Variants in LMO7 observed in about 807,000 individuals in gnomAD.
LMO7 encodes LIM domain only protein 7.
Under a neutral mutation model 206.5 loss-of-function variants are expected in LMO7, and 120 were observed. That is an observed-to-expected ratio of 0.58 (90% CI 0.50 to 0.68). The LOEUF (loss-of-function observed/expected upper bound fraction) is 0.68. LMO7 is among the 30% of genes least tolerant of loss of function. LMO7 has a pLI of 0.00. For synonymous variants in LMO7, 706 were observed against 681.5 expected, an observed-to-expected ratio of 1.04 and a Z score of -0.56; for missense variants, 1,959 against 1,957.9, an observed-to-expected ratio of 1.00 and a Z score of -0.01.
chr13:75,694,431 T>C (rs891786778), intron 1 of LMO7, among the ~76,000 whole-genome samples: 4 of 152,082 alleles, frequency 2.6e-5, no homozygotes, highest in Admixed American at 6.6e-5. Flanking sequence ...TCTGGAAGGT[T>C]TTGAGCAGTG....
At chr13:75,683,064 C>CTTT (rs1025775588) in intron 1 of LMO7, among the ~76,000 whole-genome samples, 2 of 137,640 alleles carry the variant, frequency 1.5e-5, no homozygotes, top group African/African-American at 2.7e-5. Flanking sequence ...CTTTTTTTTT[C>CTTT]TTTTTTTTTT....
chr13:75,732,817 CTGTT>C (rs1311445653), intron 3 of LMO7, among the ~76,000 whole-genome samples: 1 of 152,114 alleles, frequency 6.6e-6, no homozygotes, highest in African/African-American at 2.4e-5. Flanking sequence ...GATGTCCTTT[CTGTT>C]TGTTAGTTTT....
Position 75,849,170 on chromosome 13 carries a change from G to A in LMO7, c.4242G>A (p.Glu1414=). Residue 1414 remains glutamate (E), a synonymous_variant, in exon 27 of 31, where the codon GAG becomes GAA. Transcript: ENST00000377534. The part of the protein sequence containing the change: ...KEQVPSGAEL[E]RQQILQEMRK... Reference sequence around the variant, plus strand: ...AAGTACCATCAGGAGCAGAATTGGAGAGGCAACAAATCCTTCAGGAAATGA... The same window carrying A: ...AAGTACCATCAGGAGCAGAATTGGAAAGGCAACAAATCCTTCAGGAAATGA... 6.2e-7 allele frequency: 1 copy of A among 1,613,962 alleles called. No individual in the cohort carries two copies. Among genetic ancestry groups the A allele is most frequent in the South Asian group, 1.1e-5 (1 of 91,068 alleles).
At chr13:75,848,461 A>G (rs1040791994) in intron 26 of LMO7, among the ~76,000 whole-genome samples, 1 of 151,896 alleles carries the variant, frequency 6.6e-6, no homozygotes, top group East Asian at 1.9e-4. Context: ...CTATCTATCT[A>G]TCTATCTAAC....
At chr13:75,802,026 A>C (rs2054813988) in intron 7 of LMO7, among the ~76,000 whole-genome samples, 1 of 151,630 alleles carries the variant, frequency 6.6e-6, no homozygotes, top group Admixed American at 6.6e-5. Context: ...TTATTTTTTG[A>C]GGCATTTCAG....
rs141200136 is a variant in LMO7 at position 75,667,150 on chromosome 13, A to G, written c.69+30424A>G. On this transcript the variant is annotated intron_variant, in intron 1 of 30. Coordinates refer to ENST00000377534, the MANE Select transcript of LMO7 (RefSeq NM_001306080.2). Reference sequence around the variant, plus strand: ...AGTAACTTGTAATTCAAATCAATGTACTCTGGTATGTAATGTGTCATTTTT... The same window carrying G: ...AGTAACTTGTAATTCAAATCAATGTGCTCTGGTATGTAATGTGTCATTTTT... Among the ~76,000 whole-genome samples, 1,313 of 152,106 alleles carry G rather than the reference A, an allele frequency of 8.6e-3. 17 individuals are homozygous for G. The highest frequency in any genetic ancestry group is 0.029 in the African/African-American group (1,201 of 41,474).
intron 28 of LMO7, chr13:75,855,025 A>G: frequency 4.5e-6 from 2 of 441,972 alleles, no homozygotes; most frequent in Non-Finnish European, 8.2e-6. Flanking sequence ...TTACACTGAA[A>G]TTGCTCATTT....
intron 15 of LMO7, among the ~76,000 whole-genome samples, chr13:75,825,709 C>T (rs535693276): frequency 6.6e-6 from 1 of 152,246 alleles, no homozygotes; most frequent in South Asian, 2.1e-4. Flanking sequence ...GCTTCTATAG[C>T]ATCCCCTTGC....
At position 75,811,208 on chromosome 13, in the gene LMO7, C is replaced by CTCT. The variant is rs1555332733; in HGVS notation, c.1946+2026_1946+2027insCTT. ...TCTTTTTCTTTCTTTTTTTCTTTCT[C>CTCT]TTTTTTTTTTTTTTTTTTAAGAGAT... On this transcript the variant is annotated intron_variant, in intron 11 of 30. Transcript: ENST00000377534. Among the ~76,000 whole-genome samples, 57 of 130,684 alleles carry CTCT rather than the reference C, an allele frequency of 4.4e-4. 1 individual carries two copies. Among genetic ancestry groups the CTCT allele is most frequent in the African/African-American group, 1.5e-3 (52 of 33,918 alleles). 85.7% of individuals were successfully genotyped at this position (130,684 alleles called of 152,430 possible).
intron 1 of LMO7, among the ~76,000 whole-genome samples, chr13:75,654,388 C>G (rs2037848920): frequency 2.6e-5 from 4 of 152,176 alleles, no homozygotes; most frequent in Admixed American, 2.6e-4. Flanking sequence ...GAAGAATTAG[C>G]CTGATCTCTC....
intron 1 of LMO7, among the ~76,000 whole-genome samples, chr13:75,701,542 G>C (rs867001161): frequency 2.0e-5 from 3 of 152,098 alleles, no homozygotes; most frequent in Non-Finnish European, 4.4e-5. Flanking sequence ...TTGCTGTTGA[G>C]AACCCATGAT....
intron 1 of LMO7, among the ~76,000 whole-genome samples, chr13:75,695,943 A>G (rs1232285632): frequency 6.6e-6 from 1 of 152,238 alleles, no homozygotes; most frequent in Non-Finnish European, 1.5e-5. Context: ...CTAGCCATTA[A>G]AAATAGGGGA....
rs541748175 is a variant in LMO7 at position 75,766,638 on chromosome 13, G to A, written c.317+5600G>A. On this transcript the variant is annotated intron_variant, in intron 4 of 30. Transcript: ENST00000377534. ...CAGATTTCTCTGGAAATATAGAGAT[G>A]TGCAGTCATTTCATCTTTTTAATCA... Among the ~76,000 whole-genome samples, 14 of 152,164 alleles carry A rather than the reference G, an allele frequency of 9.2e-5. No individual in the cohort carries two copies. In the East Asian group the frequency reaches 2.5e-3, roughly 27 times the overall value.
intron 2 of LMO7, among the ~76,000 whole-genome samples, chr13:75,714,477 T>G (rs563639767): frequency 7.0e-4 from 106 of 152,280 alleles, no homozygotes; most frequent in African/African-American, 2.5e-3. Context: ...TAAGGTGATA[T>G]TATTAATTTT....
Position 75,859,407 on chromosome 13 carries a change from AAG to A in LMO7, c.*1465_*1466del, listed in dbSNP as rs1404506686. 1.3e-5 allele frequency: 2 copies of A among 152,192 alleles called. No homozygotes were observed. Among genetic ancestry groups the A allele is most frequent in the African/African-American group, 4.8e-5 (2 of 41,460 alleles). The allele number at this position is 152,192 out of a possible 1,614,324, so 9.4% of individuals were successfully genotyped here. ...ATTCATTCTGCATATAATTATTTAT[AAG>A]TATAGATTGTGAATTTTTCCATGTT... On this transcript the variant is annotated 3_prime_UTR_variant, in exon 31 of 31. Coordinates refer to ENST00000377534, the MANE Select transcript of LMO7 (RefSeq NM_001306080.2).
chr13:75,696,938 G>T (rs1049869597), intron 1 of LMO7, among the ~76,000 whole-genome samples: 11 of 152,068 alleles, frequency 7.2e-5, no homozygotes, highest in African/African-American at 2.2e-4. Context: ...GTCGAACGTT[G>T]CCAGACTGTT....
intron 3 of LMO7, among the ~76,000 whole-genome samples, chr13:75,731,198 C>T (rs1438306522): frequency 2.0e-5 from 3 of 152,112 alleles, no homozygotes; most frequent in Non-Finnish European, 4.4e-5. Context: ...GACTTTCTGT[C>T]TCGTTGATCT....
At chr13:75,636,781 C>A in intron 1 of LMO7, 55 bp downstream of exon 1, 1 of 1,524,288 alleles carries the variant, frequency 6.6e-7, no homozygotes, top group Non-Finnish European at 8.9e-7. Context: ...TCGGGGCGGT[C>A]GTCGCGAGGT....
upstream of LMO7, chr13:75,635,660 G>C (rs373762505): frequency 6.6e-6 from 1 of 152,434 alleles, no homozygotes; most frequent in Non-Finnish European, 1.5e-5. Flanking sequence ...AGCCGGGGTG[G>C]AGGGGCAGGG....
Sources: allele counts gnomAD v4.1 joint callset (sites outside exome capture counted in the v4.1 genomes callset), GRCh38; gene constraint gnomAD v4.1.1; transcripts MANE v1.5; gene names NCBI Gene and HGNC (gene_info 2026-07-23, HGNC 2026-07-21).